S100A1: variants seen among roughly 807,000 people sequenced by gnomAD.
S100A1 encodes the protein S100 calcium binding protein A1.
A neutral mutation model predicts 7.6 loss-of-function variants in S100A1; 3 were observed. The observed-to-expected ratio is 0.40, with a 90% CI of 0.18 to 1.02. S100A1 has a LOEUF of 1.02. S100A1 is among the 50% of genes least tolerant of loss of function. The pLI is 0.35. For synonymous variants in S100A1, 49 were observed against 49.0 expected, an observed-to-expected ratio of 1.00 and a Z score of 0.00; for missense variants, 126 against 115.0, an observed-to-expected ratio of 1.10 and a Z score of -0.44.
In S100A1 at chr1:153,631,683, C is replaced by G. The variant is rs756028534; in HGVS notation, c.142-15C>G. 5.0e-6 allele frequency: 8 copies of G among 1,614,146 alleles called. No individual in the cohort carries two copies. The highest frequency in any genetic ancestry group is 5.9e-6 in the Non-Finnish European group (7 of 1,179,982). ...CTTCCCTATACACCTCCCTCTTCCT[C>G]TCCTCCCACCACAGGCCCAGAAGGA... On this transcript the variant is annotated splice_polypyrimidine_tract_variant and intron_variant, in intron 2 of 2. Transcript: ENST00000292169.
At chr1:153,630,476 T>A (rs1409695020) in intron 1 of S100A1, 33 bp from the exon 2 acceptor site, 1 of 1,609,024 alleles carries the variant, frequency 6.2e-7, no homozygotes. Flanking sequence ...CCGGGCCTGG[T>A]CCTCAGCTCA....
rs1249998100 is a variant in S100A1, at chr1:153,630,600, T to G, written c.79T>G (p.Tyr27Asp). Residue 27 changes from tyrosine (Y) to aspartate (D), a missense_variant, in exon 2 of 3, where the codon TAC becomes GAC. Tyr to Asp is a radical substitution (Grantham distance 160). Transcript: ENST00000292169. ...CCACTCGGGCAAAGAGGGGGACAAG[T>G]ACAAGCTGAGCAAGAAGGAGCTGAA... The part of the protein sequence containing the change: ...HAHSGKEGDK[Y>D]KLSKKELKEL... 5.6e-6 allele frequency: 9 copies of G among 1,614,116 alleles called. No individual in the cohort carries two copies. Among genetic ancestry groups the G allele is most frequent in the Non-Finnish European group, 7.6e-6 (9 of 1,180,048 alleles).
intron 2 of S100A1, 87 bp downstream of exon 2, chr1:153,630,749 C>G: frequency 6.6e-7 from 1 of 1,519,132 alleles, no homozygotes; most frequent in Non-Finnish European, 9.0e-7. Context: ...CCCACCCCAC[C>G]TCCAGCTCAG....
intron 2 of S100A1, 42 bp from the exon 3 acceptor site, chr1:153,631,656 C>A (rs1297803305): frequency 6.2e-7 from 1 of 1,613,836 alleles, no homozygotes; most frequent in South Asian, 1.1e-5. Flanking sequence ...CAGTGCTGTA[C>A]CCTTCCCTAT....
At chr1:153,629,393 G>C (rs889299750) in intron 1 of S100A1, 3 of 152,224 alleles carry the variant, frequency 2.0e-5, no homozygotes, top group Non-Finnish European at 4.4e-5. Flanking sequence ...GAAGAACTGG[G>C]ATGTCATTCG....
intron 1 of S100A1, chr1:153,629,532 C>CCG (rs943857798): frequency 6.6e-6 from 1 of 152,358 alleles, no homozygotes; most frequent in African/African-American, 2.4e-5. Context: ...AGAGGCCCCC[C>CCG]GGCTTGGCAG....
Position 153,630,609 on chromosome 1 carries a change from A to C in S100A1, c.88A>C (p.Ser30Arg). The C allele has an allele frequency of 6.2e-7, 1 of 1,614,274 alleles. No individual in the cohort carries two copies. Among genetic ancestry groups the C allele is most frequent in the Non-Finnish European group, 8.5e-7 (1 of 1,180,048 alleles). Residue 30 changes from serine to arginine, a missense_variant, in exon 2 of 3, where the codon AGC becomes CGC. Transcript: ENST00000292169. ...SGKEGDKYKL[S>R]KKELKELLQT... is the part of the protein sequence containing the mutation. ...CAAAGAGGGGGACAAGTACAAGCTG[A>C]GCAAGAAGGAGCTGAAAGAGCTGCT...
chr1:153,631,925 T>TC lies in S100A1; in HGVS notation c.*87dup. On this transcript the variant is annotated 3_prime_UTR_variant, in exon 3 of 3. Coordinates refer to ENST00000292169, the MANE Select transcript of S100A1 (RefSeq NM_006271.2). ...CCCTGCTTCCACCTCACCCCACTTA[T>TC]CCCTCTCCATAACCCCACCCTTGCC... 2.0e-6 allele frequency: 3 copies of TC among 1,537,200 alleles called. No homozygotes were observed. Among genetic ancestry groups the TC allele is most frequent in the Non-Finnish European group, 2.6e-6 (3 of 1,137,314 alleles).
intron 1 of S100A1, chr1:153,628,769 G>A (rs966257218): frequency 4.0e-6 from 2 of 498,742 alleles, no homozygotes; most frequent in Non-Finnish European, 6.9e-6. Flanking sequence ...CTGACCGCCT[G>A]GCCCTCCCAC....
rs149325998 is a variant in S100A1 at position 153,631,769 on chromosome 1, C to T, written c.213C>T (p.Asp71=). The change falls in exon 3 of 3, where the codon GAC becomes GAT. Residue 71 remains aspartate, a synonymous_variant. Transcript: ENST00000292169. The part of the protein sequence containing the change: ...ELDENGDGEV[D]FQEYVVLVAA... ...ACGAGAATGGAGACGGGGAGGTGGA[C>T]TTCCAGGAGTATGTGGTGCTTGTGG... 5.0e-6 allele frequency: 8 copies of T among 1,614,046 alleles called. No individual in the cohort carries two copies. The highest frequency in any genetic ancestry group is 6.8e-6 in the Non-Finnish European group (8 of 1,180,040).
rs138250559 is a variant in S100A1, at chr1:153,629,980, C to T, written c.-13-529C>T. The T allele has an allele frequency of 5.5e-3, 868 of 157,312 alleles. 10 individuals carry two copies. The highest frequency in any genetic ancestry group is 0.018 in the African/African-American group (761 of 41,826). The allele number at this position is 157,312 out of a possible 1,614,324, so 9.7% of individuals were successfully genotyped here. A position where few individuals can be genotyped will look rare whatever the true frequency, so the allele number is the denominator to read the frequency against. On this transcript the variant is annotated intron_variant, in intron 1 of 2. Coordinates refer to ENST00000292169, the MANE Select transcript of S100A1 (RefSeq NM_006271.2). ...AGGCGTACGCCACCCACTGGGGCTGCCATCCCCTCTACCAGGCTGACCGAG... is the reference window on the plus strand; with the variant it reads ...AGGCGTACGCCACCCACTGGGGCTGTCATCCCCTCTACCAGGCTGACCGAG...
At chr1:153,630,886 T>C in intron 2 of S100A1, 2 of 549,760 alleles carry the variant, frequency 3.6e-6, no homozygotes, top group Non-Finnish European at 6.4e-6. Context: ...CCTGTGTAGA[T>C]TCATCAATAA....
At chr1:153,628,985 G>A in intron 1 of S100A1, 1 of 159,444 alleles carries the variant, frequency 6.3e-6, no homozygotes, top group Non-Finnish European at 1.4e-5. Flanking sequence ...TCTGGGGGTG[G>A]CAGGGCAAAG....
At chr1:153,630,098 ATGC>A (rs1667919863) in intron 1 of S100A1, 1 of 235,320 alleles carries the variant, frequency 4.2e-6, no homozygotes, top group Non-Finnish European at 8.2e-6. Flanking sequence ...GAGCTTGGCT[ATGC>A]TAGACAGGCA....
At chr1:153,630,889 A>G in intron 2 of S100A1, 1 of 523,506 alleles carries the variant, frequency 1.9e-6, no homozygotes, top group Admixed American at 3.5e-5. Flanking sequence ...GTGTAGATTC[A>G]TCAATAATAA....
At chr1:153,631,302 C>T in intron 2 of S100A1, 1 of 701,060 alleles carries the variant, frequency 1.4e-6, no homozygotes, top group South Asian at 2.0e-5. Flanking sequence ...TCCAGCCCTG[C>T]TACTTTCTAG....
chr1:153,631,783 T>C lies in S100A1; in HGVS notation c.227T>C (p.Val76Ala). Reference sequence around the variant, plus strand: ...GGGGAGGTGGACTTCCAGGAGTATGTGGTGCTTGTGGCTGCTCTCACAGTG... The same window carrying C: ...GGGGAGGTGGACTTCCAGGAGTATGCGGTGCTTGTGGCTGCTCTCACAGTG... ...GDGEVDFQEYVVLVAALTVAC... is the reference protein window; with the variant it reads ...GDGEVDFQEYAVLVAALTVAC... The change falls in exon 3 of 3, where the codon GTG (valine) becomes GCG (alanine). Residue 76 changes from valine (V) to alanine (A), a missense_variant. Physicochemically the swap from Val to Ala is moderately conservative, Grantham distance 64. Transcript: ENST00000292169. 4 of 1,614,190 alleles carry C rather than the reference T, an allele frequency of 2.5e-6. No individual in the cohort carries two copies. In the South Asian group the frequency reaches 3.3e-5, roughly 13 times the overall value.
Position 153,631,766 on chromosome 1 carries a change from G to A in S100A1, c.210G>A (p.Val70=). The A allele has an allele frequency of 6.2e-7, 1 of 1,614,162 alleles. No individual in the cohort carries two copies. Among genetic ancestry groups the A allele is most frequent in the Non-Finnish European group, 8.5e-7 (1 of 1,180,044 alleles). The change falls in exon 3 of 3, where the codon GTG becomes GTA. Residue 70 remains valine, a synonymous_variant. Coordinates refer to ENST00000292169, the MANE Select transcript of S100A1 (RefSeq NM_006271.2). ...KELDENGDGE[V]DFQEYVVLVA... ...TAGACGAGAATGGAGACGGGGAGGTGGACTTCCAGGAGTATGTGGTGCTTG... is the reference window on the plus strand; with the variant it reads ...TAGACGAGAATGGAGACGGGGAGGTAGACTTCCAGGAGTATGTGGTGCTTG...
At chr1:153,631,632 C>T in intron 2 of S100A1, 66 bp from the exon 3 acceptor site, 4 of 1,613,658 alleles carry the variant, frequency 2.5e-6, no homozygotes, top group African/African-American at 1.3e-5. Flanking sequence ...TCAACCACCC[C>T]CTTGCCTCTG....
Sources: gnomAD v4.1 joint callset for allele counts on GRCh38, gnomAD v4.1.1 for gene constraint, MANE v1.5 for transcripts, NCBI Gene and HGNC (gene_info 2026-07-23, HGNC 2026-07-21) for gene names.